The following INTS6 variants were observed in gnomAD, a reference collection of about 807,000 sequenced individuals.
INTS6 encodes the protein integrator complex subunit 6, also known as DEAD box protein.
A neutral mutation model predicts 104.9 loss-of-function variants in INTS6; 16 were observed. The observed-to-expected ratio is 0.15, with a 90% CI of 0.10 to 0.23. INTS6 has a LOEUF of 0.23. Among genes scored for constraint, INTS6 ranks in the 10% least tolerant of loss-of-function variants. The pLI, the probability that INTS6 is intolerant of heterozygous loss-of-function variation, is 1.00. For missense variants in INTS6, 584 were observed against 1,062.8 expected (o/e 0.55, Z 6.26); for synonymous variants, 324 against 358.7 (o/e 0.90, Z 1.09).
At chr13:51,367,735 T>C (rs932523985) in intron 17 of INTS6, 70 bp downstream of exon 17, 5 of 827,966 alleles carry the variant, frequency 6.0e-6, no homozygotes, top group Non-Finnish European at 9.9e-6. Flanking sequence ...ACGGATACTA[T>C]TAAAATACTG....
At chr13:51,388,141 T>A (rs956331043) in intron 6 of INTS6, among the ~76,000 whole-genome samples, 7 of 152,280 alleles carry the variant, frequency 4.6e-5, no homozygotes, top group African/African-American at 1.7e-4. Context: ...AGCATTAAAA[T>A]AATTTAAAAT....
intron 7 of INTS6, among the ~76,000 whole-genome samples, chr13:51,386,897 T>C (rs1198544460): frequency 1.3e-5 from 2 of 152,192 alleles, no homozygotes; most frequent in Non-Finnish European, 2.9e-5. Context: ...ACTTCATTTT[T>C]CCTAAAAATA....
At chr13:51,373,051 AT>A (rs201584389) in intron 15 of INTS6, among the ~76,000 whole-genome samples, 1 of 151,794 alleles carries the variant, frequency 6.6e-6, no homozygotes, top group Admixed American at 6.6e-5. Context: ...TGGAAAAAAT[AT>A]TTTTTTTCCA....
intron 4 of INTS6, among the ~76,000 whole-genome samples, chr13:51,414,647 A>G (rs1038467287): frequency 2.0e-5 from 3 of 152,196 alleles, no homozygotes; most frequent in Non-Finnish European, 4.4e-5. Context: ...TAAAGCAAAT[A>G]AAATTTTAAC....
At chr13:51,372,280 T>A (rs1955822479) in intron 15 of INTS6, among the ~76,000 whole-genome samples, 1 of 151,408 alleles carries the variant, frequency 6.6e-6, no homozygotes, top group South Asian at 2.1e-4. Context: ...GACCACAGAA[T>A]CTTTCCATTT....
the INTS6 span, among the ~76,000 whole-genome samples, chr13:51,345,888 GCA>G: frequency 2.3e-3 from 344 of 152,342 alleles, 2 homozygotes; most frequent in Non-Finnish European, 1.7e-3. Flanking sequence ...GTTGCTCAGA[GCA>G]CAGAGTCCAG....
intron 3 of INTS6, chr13:51,441,871 A>G (rs1952804597): frequency 1.3e-5 from 2 of 148,878 alleles, no homozygotes; most frequent in Admixed American, 1.3e-4. Flanking sequence ...CCCAGGCTGG[A>G]GTGCAGTCGC....
At chr13:51,424,175 G>A (rs547620996) in intron 4 of INTS6, among the ~76,000 whole-genome samples, 7 of 152,010 alleles carry the variant, frequency 4.6e-5, no homozygotes, top group South Asian at 2.1e-4. Context: ...GGTTCTAACA[G>A]GCTAATAAAC....
At chr13:51,370,996 T>A (rs1234385677) in intron 15 of INTS6, among the ~76,000 whole-genome samples, 1 of 152,216 alleles carries the variant, frequency 6.6e-6, no homozygotes, top group African/African-American at 2.4e-5. Context: ...ACATCTGCCA[T>A]GCACATTCCA....
intron 6 of INTS6, among the ~76,000 whole-genome samples, chr13:51,388,274 T>C (rs1198585703): frequency 6.6e-6 from 1 of 152,168 alleles, no homozygotes; most frequent in Non-Finnish European, 1.5e-5. Flanking sequence ...TTCTTTCATC[T>C]CTATGATCTT....
At chr13:51,396,353 G>C (rs1365414727) in intron 4 of INTS6, among the ~76,000 whole-genome samples, 1 of 152,106 alleles carries the variant, frequency 6.6e-6, no homozygotes, top group African/African-American at 2.4e-5. Flanking sequence ...AGGTTTGGGG[G>C]TTTTTGTATG....
At chr13:51,348,139 C>T in the INTS6 span, 1 of 1,178,992 alleles carries the variant, frequency 8.5e-7, no homozygotes, top group East Asian at 2.6e-5. Context: ...GAGCCAGCCT[C>T]TCTCAGGGTC....
chr13:51,381,904 T>C lies in INTS6; in HGVS notation c.1275+125A>G, dbSNP rs370720183. On this transcript the variant is annotated intron_variant, in intron 10 of 17. Coordinates refer to ENST00000311234, the MANE Select transcript of INTS6 (RefSeq NM_012141.3). ...TTTTAGTAGAAACGGGGTTTCACCA[T>C]GTTGGCCAGGCTGGTCTTGATCTCC... 6.7e-5 allele frequency: 28 copies of C among 418,748 alleles called. No homozygotes were observed. The Admixed American group carries it at 7.7e-4, about 11-fold the overall frequency. The allele number at this position is 418,748 out of a possible 1,614,324, so 25.9% of individuals were successfully genotyped here.
intron 7 of INTS6, chr13:51,383,990 T>G (rs1157907886): frequency 7.2e-6 from 2 of 277,286 alleles, no homozygotes; most frequent in Non-Finnish European, 1.3e-5. Flanking sequence ...TACGCAAAAT[T>G]TAGTAATTGA....
rs1277104979 is a variant in INTS6, at chr13:51,452,843, CCT to C, written c.-320_-319del. The C allele has an allele frequency of 1.5e-5, 17 of 1,157,524 alleles. No homozygotes were observed. The Admixed American group carries it at 7.4e-4, about 50-fold the overall frequency. 71.7% of individuals were successfully genotyped at this position (1,157,524 alleles called of 1,614,324 possible). On this transcript the variant is annotated 5_prime_UTR_variant, in exon 1 of 18. Transcript: ENST00000311234. The surrounding 1 kb of genome is among the most constrained non-coding windows in gnomAD (Gnocchi z 4.2). ...GGGGGTCCCGTCCCCGCTCCCGGCC[CCT>C]GTGTGTGTCCCAGCGGGAGACGGGC...
chr13:51,355,267 TTA>T (rs1302772410), intron 3 of INTS6: 1 of 600,130 alleles, frequency 1.7e-6, no homozygotes, highest in African/African-American at 1.9e-5. Context: ...GTGCTCTGTT[TTA>T]TATAAGAATG....
intron 4 of INTS6, among the ~76,000 whole-genome samples, chr13:51,422,044 T>C (rs925868881): frequency 3.9e-5 from 6 of 152,202 alleles, no homozygotes; most frequent in Non-Finnish European, 8.8e-5. Context: ...ATCTGCTCAT[T>C]TCAATTTTTA....
intron 3 of INTS6, chr13:51,439,294 TAA>T (rs1952749831): frequency 1.3e-5 from 2 of 152,158 alleles, no homozygotes; most frequent in African/African-American, 4.8e-5. Context: ...ATGTCACAGA[TAA>T]AACAGGCAAT....
At position 51,387,443 on chromosome 13, in the gene INTS6, A is replaced by G; in HGVS notation, c.837T>C (p.Pro279=). The stretch of plus-strand genomic sequence containing the variant: ...ACTCTGGAACAGGCCAATGACCTAT[A>G]GGAACCCCAGTTTTAGGATTTGGTC... The part of the protein sequence containing the change: ...YVRPNPKTGV[P]IGHWPVPESF... Residue 279 remains proline, a synonymous_variant, in exon 7 of 18, where the codon CCT becomes CCC. Coordinates refer to ENST00000311234, the MANE Select transcript of INTS6 (RefSeq NM_012141.3). The G allele has an allele frequency of 6.2e-7, 1 of 1,613,848 alleles. No individual in the cohort carries two copies. The highest frequency in any genetic ancestry group is 8.5e-7 in the Non-Finnish European group (1 of 1,179,838).
Sources: allele counts gnomAD v4.1 joint callset (sites outside exome capture counted in the v4.1 genomes callset), GRCh38; gene constraint gnomAD v4.1.1; non-coding constraint Gnocchi (gnomAD v3.1); transcripts MANE v1.5; gene names NCBI Gene and HGNC (gene_info 2026-07-23, HGNC 2026-07-21).